GEMIN5: variants seen among roughly 807,000 people sequenced by gnomAD.
GEMIN5 encodes the protein gem-associated protein 5.
In GEMIN5, 124 loss-of-function variants were observed where a neutral mutation model predicts 176.9. The ratio of observed to expected loss-of-function variants is 0.70; its 90% CI spans 0.61 to 0.81. GEMIN5 has a LOEUF of 0.81. Among genes scored for constraint, GEMIN5 ranks in the 40% least tolerant of loss-of-function variants. The pLI, the probability that GEMIN5 is intolerant of heterozygous loss-of-function variation, is 0.00. For missense variants in GEMIN5, 1,843 were observed against 1,814.6 expected (o/e 1.02, Z -0.28); for synonymous variants, 673 against 665.2 (o/e 1.01, Z -0.18).
chr5:154,933,697 A>T (rs563946805), intron 3 of GEMIN5, among the ~76,000 whole-genome samples: 112 of 151,724 alleles, frequency 7.4e-4, no homozygotes, highest in African/African-American at 2.4e-3. Flanking sequence ...TTTTTTTTTT[A>T]AAAGAAACAC....
At position 154,889,326 on chromosome 5, in the gene GEMIN5, T is replaced by G. The variant is rs747037689; in HGVS notation, c.4354A>C (p.Ile1452Leu). 8 of 1,548,148 alleles carry G rather than the reference T, an allele frequency of 5.2e-6. No individual in the cohort carries two copies. The highest frequency in any genetic ancestry group is 1.7e-4 in the Middle Eastern group (1 of 5,950). The change falls in exon 27 of 28, where the codon ATT becomes CTT. Residue 1452 changes from isoleucine (I) to leucine (L), a missense_variant. Ile to Leu is a conservative substitution (Grantham distance 5, BLOSUM62 2). Transcript: ENST00000285873. ...NQRMAKFPES[I>L]KAWPFPDVLE... ...TGAACTGCTTTAACTCTTACCTTAA[T>G]GCTCTCAGGAAATTTCGCCATTCTC...
At chr5:154,906,535 C>A (rs1026426544) in intron 16 of GEMIN5, among the ~76,000 whole-genome samples, 4 of 152,162 alleles carry the variant, frequency 2.6e-5, no homozygotes, top group Admixed American at 6.5e-5. Context: ...ACTTGTTGAT[C>A]CATGTTTTGT....
At chr5:154,890,019 T>C (rs1763191138) in intron 26 of GEMIN5, among the ~76,000 whole-genome samples, 1 of 152,262 alleles carries the variant, frequency 6.6e-6, no homozygotes, top group African/African-American at 2.4e-5. Context: ...CATTCTATTT[T>C]ACATTTCTGG....
chr5:154,901,339 C>T lies in GEMIN5; in HGVS notation c.3014G>A (p.Arg1005Lys), dbSNP rs776310731. 6.2e-7 allele frequency: 1 copy of T among 1,613,786 alleles called. No homozygotes were observed. Among genetic ancestry groups the T allele is most frequent in the Non-Finnish European group, 8.5e-7 (1 of 1,179,714 alleles). The change falls in exon 21 of 28, where the codon AGG becomes AAG. Residue 1005 changes from arginine (R) to lysine (K), a missense_variant and splice_region_variant. Coordinates refer to ENST00000285873, the MANE Select transcript of GEMIN5 (RefSeq NM_015465.5). Reference sequence around the variant, plus strand: ...ATCCCAACTCTAGGACCACACAGACCTGTAAAAATGGTTTGACTTGAGCAG... The same window carrying T: ...ATCCCAACTCTAGGACCACACAGACTTGTAAAAATGGTTTGACTTGAGCAG... ...VELLKSNHFY[R>K]EAIAIAKARL...
At chr5:154,890,804 C>T (rs573221542) in intron 26 of GEMIN5, among the ~76,000 whole-genome samples, 90 of 152,182 alleles carry the variant, frequency 5.9e-4, no homozygotes, top group Non-Finnish European at 1.0e-3. Context: ...CCCTCTGTTG[C>T]CCAGGCTGGA....
chr5:154,923,685 A>G (rs889890392), intron 9 of GEMIN5, among the ~76,000 whole-genome samples: 7 of 152,390 alleles, frequency 4.6e-5, no homozygotes, highest in African/African-American at 1.7e-4. Context: ...AAGCAAAACC[A>G]TTCTTAATTC....
At chr5:154,888,666 C>G (rs1763158752) in intron 27 of GEMIN5, among the ~76,000 whole-genome samples, 1 of 152,042 alleles carries the variant, frequency 6.6e-6, no homozygotes, top group African/African-American at 2.4e-5. Context: ...AATATTTGGG[C>G]CCACAGCCAA....
Position 154,925,862 on chromosome 5 carries a change from C to A in GEMIN5, c.1293G>T (p.Ala431=), listed in dbSNP as rs551871866. 6.5e-5 allele frequency: 103 copies of A among 1,575,638 alleles called. 2 individuals carry two copies. In the South Asian group the frequency reaches 1.1e-3, roughly 17 times the overall value. Residue 431 remains alanine, a splice_region_variant and synonymous_variant, in exon 8 of 28, where the codon GCG becomes GCT. Coordinates refer to ENST00000285873, the MANE Select transcript of GEMIN5 (RefSeq NM_015465.5). ...ACAAGCTCAAAAAAAGAATCCTTAC[C>A]GCTGTAACCTTGGACTTCACGCCTT... The part of the protein sequence containing the change: ...FWQGVKSKVT[A]LCWHPTKEGC...
In GEMIN5 at chr5:154,891,786, T is replaced by C. The variant is rs115339026; in HGVS notation, c.3761-44A>G. 9.9e-4 allele frequency: 1,508 copies of C among 1,522,424 alleles called. 12 individuals carry two copies. In the African/African-American group the frequency reaches 0.018, roughly 19 times the overall value. The allele number at this position is 1,522,424 out of a possible 1,614,324, so 94.3% of individuals were successfully genotyped here. ...GATACTGGGTCATGCATTTCTCTAG[T>C]TGCCAGAAATGTGGCTTCCTGCCCT... On this transcript the variant is annotated intron_variant, in intron 25 of 27. Coordinates refer to ENST00000285873, the MANE Select transcript of GEMIN5 (RefSeq NM_015465.5).
intron 13 of GEMIN5, among the ~76,000 whole-genome samples, chr5:154,914,838 A>C (rs1763780696): frequency 6.6e-6 from 1 of 152,222 alleles, no homozygotes; most frequent in Non-Finnish European, 1.5e-5. Context: ...CAAACTGATA[A>C]TTGGTAGGAA....
chr5:154,909,123 T>G (rs1294983110), intron 15 of GEMIN5, among the ~76,000 whole-genome samples: 1 of 139,404 alleles, frequency 7.2e-6, no homozygotes, highest in Non-Finnish European at 1.5e-5. Context: ...CATGCCTGGG[T>G]AATTTTTGTA....
intron 15 of GEMIN5, among the ~76,000 whole-genome samples, chr5:154,910,120 A>G (rs1372834515): frequency 6.6e-6 from 1 of 151,944 alleles, no homozygotes; most frequent in Non-Finnish European, 1.5e-5. Context: ...TTTATTGTGG[A>G]ATAGAAGCCT....
rs1764021422 is a variant in GEMIN5, at chr5:154,925,981, T to C, written c.1174A>G (p.Ile392Val). ...AYSLAFSSVDIGSLAIGVGDG... is the reference protein window; with the variant it reads ...AYSLAFSSVDVGSLAIGVGDG... ...CCAACACCTATGGCCAAAGAGCCTA[T>C]GTCCACAGAAGAGAAAGCCAGGCTG... Residue 392 changes from isoleucine to valine, a missense_variant, in exon 8 of 28, where the codon ATA becomes GTA. Coordinates refer to ENST00000285873, the MANE Select transcript of GEMIN5 (RefSeq NM_015465.5). 6.2e-7 allele frequency: 1 copy of C among 1,613,214 alleles called. No homozygotes were observed. Among genetic ancestry groups the C allele is most frequent in the African/African-American group, 1.3e-5 (1 of 75,022 alleles).
chr5:154,924,744 C>A (rs941920095), intron 8 of GEMIN5, among the ~76,000 whole-genome samples, 190 bp from the exon 9 acceptor site: 1 of 152,186 alleles, frequency 6.6e-6, no homozygotes, highest in African/African-American at 2.4e-5. Context: ...AATCCCAGCA[C>A]TTTGGGAGGC....
At chr5:154,927,294 C>A in intron 7 of GEMIN5, 91 bp downstream of exon 7, 2 of 739,220 alleles carry the variant, frequency 2.7e-6, no homozygotes, top group South Asian at 1.7e-5. Flanking sequence ...TGGAGTATTA[C>A]GACTTGACAG....
rs962012282 is a variant in GEMIN5, at chr5:154,928,564, T to C, written c.877A>G (p.Ser293Gly). ...ERLWLTLHWP[S>G]NQPTQLVSSC... ...GATACCAGCTGTGTTGGTTGATTGC[T>C]GGGCCAATGGAGTGTCAACCAAAGG... Residue 293 changes from serine to glycine, a missense_variant, in exon 6 of 28, where the codon AGC becomes GGC. Physicochemically the swap from Ser to Gly is moderately conservative, Grantham distance 56. Transcript: ENST00000285873. The C allele has an allele frequency of 6.2e-7, 1 of 1,614,144 alleles. No homozygotes were observed. Among genetic ancestry groups the C allele is most frequent in the African/African-American group, 1.3e-5 (1 of 75,052 alleles).
At position 154,921,363 on chromosome 5, in the gene GEMIN5, G is replaced by T. The variant is rs767198189; in HGVS notation, c.1442C>A (p.Pro481Gln). ...CTTACCAAGTGACATGGGGGGTACT[G>T]GTGGCCCCCAGGCTAAAGTATATAC... ...KTVYTLAWGP[P>Q]VPPMSLGGEG... The change falls in exon 10 of 28, where the codon CCA (proline) becomes CAA (glutamine). Residue 481 changes from proline (P) to glutamine (Q), a missense_variant. Physicochemically the swap from Pro to Gln is moderately conservative, Grantham distance 76. Coordinates refer to ENST00000285873, the MANE Select transcript of GEMIN5 (RefSeq NM_015465.5). 7.0e-7 allele frequency: 1 copy of T among 1,437,824 alleles called. No homozygotes were observed. Among genetic ancestry groups the T allele is most frequent in the Non-Finnish European group, 9.7e-7 (1 of 1,026,556 alleles). 89.1% of individuals were successfully genotyped at this position (1,437,824 alleles called of 1,614,324 possible).
intron 9 of GEMIN5, among the ~76,000 whole-genome samples, chr5:154,922,583 C>T (rs1197006772): frequency 6.6e-6 from 1 of 151,964 alleles, no homozygotes; most frequent in Non-Finnish European, 1.5e-5. Flanking sequence ...GAATATTCAG[C>T]TTATAATAAC....
chr5:154,911,761 G>A lies in GEMIN5; in HGVS notation c.2133C>T (p.Leu711=), dbSNP rs747409773. ...GADDFCVHKW[L]TSMQDHSRPP... is the part of the protein sequence containing the mutation. ...GCCGGGAATGATCTTGCATGGAAGT[G>A]AGCCACTTGTGCACACAAAAGTCAT... Residue 711 remains leucine, a synonymous_variant, in exon 15 of 28, where the codon CTC becomes CTT. Transcript: ENST00000285873. 12 of 1,613,918 alleles carry A rather than the reference G, an allele frequency of 7.4e-6. No homozygotes were observed. Among genetic ancestry groups the A allele is most frequent in the Non-Finnish European group, 1.0e-5 (12 of 1,179,904 alleles).
Sources: gnomAD v4.1 joint callset for allele counts (sites outside exome capture counted in the v4.1 genomes callset) on GRCh38, gnomAD v4.1.1 for gene constraint, MANE v1.5 for transcripts, NCBI Gene and HGNC (gene_info 2026-07-23, HGNC 2026-07-21) for gene names.